Variants in PPM1H observed in about 807,000 individuals in gnomAD.
The protein encoded by PPM1H is protein phosphatase 1H.
In PPM1H, 27 loss-of-function variants were observed where a neutral mutation model predicts 54.9. The ratio of observed to expected loss-of-function variants is 0.49; its 90% CI spans 0.36 to 0.68. PPM1H has a LOEUF of 0.68. PPM1H is among the 30% of genes least tolerant of loss of function. The pLI is 0.00. For synonymous variants in PPM1H, 305 were observed against 270.8 expected, an observed-to-expected ratio of 1.13 and a Z score of -1.24; for missense variants, 596 against 667.8, an observed-to-expected ratio of 0.89 and a Z score of 1.19.
At chr12:62,848,060 A>G (rs967172853) in intron 1 of PPM1H, among the ~76,000 whole-genome samples, 3 of 152,228 alleles carry the variant, frequency 2.0e-5, no homozygotes, top group African/African-American at 7.2e-5. Context: ...GAAGCATAAG[A>G]GAGGAAATCA....
At chr12:62,714,554 G>C (rs752356869) in intron 6 of PPM1H, among the ~76,000 whole-genome samples, 6 of 152,114 alleles carry the variant, frequency 3.9e-5, no homozygotes, top group Admixed American at 1.3e-4. Flanking sequence ...GCAGAGCAAA[G>C]CCTACCCCCT....
chr12:62,871,435 G>T (rs1261070391), intron 1 of PPM1H, among the ~76,000 whole-genome samples: 1 of 151,950 alleles, frequency 6.6e-6, no homozygotes, highest in African/African-American at 2.4e-5. Context: ...TCTTTTTGGG[G>T]TGATAAAAAG....
intron 8 of PPM1H, among the ~76,000 whole-genome samples, chr12:62,668,958 T>C (rs906573038): frequency 6.6e-6 from 1 of 152,262 alleles, no homozygotes; most frequent in South Asian, 2.1e-4. Flanking sequence ...CCTGGGTGAA[T>C]GAGCTCAAAT....
chr12:62,738,387 A>G (rs1301538953), intron 4 of PPM1H, among the ~76,000 whole-genome samples: 5 of 151,990 alleles, frequency 3.3e-5, no homozygotes, highest in Non-Finnish European at 7.4e-5. Context: ...AAAACCACTC[A>G]TCTCAAGGCT....
chr12:62,667,445 T>G (rs1042064138), intron 8 of PPM1H, 116 bp from the exon 9 acceptor site: 24 of 928,820 alleles, frequency 2.6e-5, no homozygotes. Context: ...TTTTCAGATA[T>G]GCATTGTAGG....
chr12:62,776,640 A>G (rs2076612896), intron 4 of PPM1H, among the ~76,000 whole-genome samples: 1 of 152,186 alleles, frequency 6.6e-6, no homozygotes, highest in African/African-American at 2.4e-5. Context: ...TGGGAAAGCA[A>G]GGTATTTTCT....
chr12:62,754,840 G>A (rs532089292), intron 4 of PPM1H, among the ~76,000 whole-genome samples: 22 of 152,274 alleles, frequency 1.4e-4, no homozygotes, highest in African/African-American at 1.7e-4. Context: ...AAAAACAGTC[G>A]AAATGTAACA....
At chr12:62,808,109 G>C (rs2120768722) in intron 2 of PPM1H, among the ~76,000 whole-genome samples, 1 of 152,302 alleles carries the variant, frequency 6.6e-6, no homozygotes, top group South Asian at 2.1e-4. Flanking sequence ...TGGGATTACA[G>C]GTATGAGCCA....
intron 1 of PPM1H, among the ~76,000 whole-genome samples, chr12:62,867,564 ATTTT>A (rs34772338): frequency 3.9e-3 from 216 of 55,258 alleles, no homozygotes; most frequent in Middle Eastern, 0.016. Context: ...TATGAGCACT[ATTTT>A]TTTTTTTTTT....
intron 9 of PPM1H, among the ~76,000 whole-genome samples, chr12:62,653,782 A>G (rs2075828309): frequency 6.6e-6 from 1 of 152,146 alleles, no homozygotes; most frequent in Admixed American, 6.6e-5. Flanking sequence ...TCCCCATACC[A>G]CAGGAGTAGT....
intron 3 of PPM1H, among the ~76,000 whole-genome samples, chr12:62,796,554 C>G (rs1401277884): frequency 6.6e-6 from 1 of 152,172 alleles, no homozygotes; most frequent in East Asian, 1.9e-4. Context: ...GAGATGCATA[C>G]GGTGTGGAGC....
chr12:62,773,026 T>TA (rs942834956), intron 4 of PPM1H, among the ~76,000 whole-genome samples: 5 of 152,138 alleles, frequency 3.3e-5, no homozygotes, highest in African/African-American at 1.2e-4. Context: ...CGCGCGCTTG[T>TA]AGTTCCAGCT....
Position 62,838,707 on chromosome 12 carries a change from G to A in PPM1H, c.246-6428C>T, listed in dbSNP as rs1868594665. 1.4e-5 allele frequency among the ~76,000 whole-genome samples: 2 copies of A among 141,882 alleles called. 1 individual carries two copies. Among genetic ancestry groups the A allele is most frequent in the Non-Finnish European group, 3.0e-5 (2 of 65,800 alleles). The allele number at this position is 141,882 out of a possible 152,430, so 93.1% of individuals were successfully genotyped here. A position where few individuals can be genotyped will look rare whatever the true frequency, so the allele number is the denominator to read the frequency against. On this transcript the variant is annotated intron_variant, in intron 1 of 9. Transcript: ENST00000228705. ...GAGGCCGAGGCGGGCGGATCACGAG[G>A]TCAGGAGATCGAGACCATCCTGGCT... is the stretch of plus-strand genomic sequence containing the variant.
chr12:62,726,301 T>G (rs763551441), intron 5 of PPM1H, among the ~76,000 whole-genome samples: 11 of 152,248 alleles, frequency 7.2e-5, no homozygotes, highest in Admixed American at 1.3e-4. Flanking sequence ...TCTATCTTTT[T>G]GTGCAATCAT....
intron 1 of PPM1H, among the ~76,000 whole-genome samples, chr12:62,836,954 T>C (rs933531822): frequency 6.6e-6 from 1 of 152,158 alleles, no homozygotes; most frequent in African/African-American, 2.4e-5. Context: ...AACTTGAAAG[T>C]AAAAAATCCT....
intron 1 of PPM1H, among the ~76,000 whole-genome samples, chr12:62,879,314 T>C (rs1407126099): frequency 6.6e-6 from 1 of 152,208 alleles, no homozygotes. Flanking sequence ...GTGCTTCATG[T>C]ATGTTTATTG....
chr12:62,659,192 C>T, intron 9 of PPM1H: 2 of 694,596 alleles, frequency 2.9e-6, no homozygotes, highest in South Asian at 2.7e-5. Context: ...TCACCAACCC[C>T]AATGCCAGGC....
intron 9 of PPM1H, among the ~76,000 whole-genome samples, chr12:62,662,267 A>G (rs1000505766): frequency 6.6e-6 from 1 of 152,246 alleles, no homozygotes; most frequent in African/African-American, 2.4e-5. Flanking sequence ...AGCTTTATAA[A>G]AATAATCATA....
chr12:62,673,715 C>CTTTTTT (rs567775927), intron 8 of PPM1H, among the ~76,000 whole-genome samples: 477 of 41,948 alleles, frequency 0.011, 129 homozygotes, highest in East Asian at 0.017. Flanking sequence ...AAGAGCCACT[C>CTTTTTT]TTTTTTTTTT....
Sources: gnomAD v4.1 joint callset for allele counts (sites outside exome capture counted in the v4.1 genomes callset) on GRCh38, gnomAD v4.1.1 for gene constraint, MANE v1.5 for transcripts, NCBI Gene and HGNC (gene_info 2026-07-23, HGNC 2026-07-21) for gene names.